Variants in EARS2 observed in about 807,000 individuals in gnomAD.
EARS2 encodes the protein glutamyl-tRNA synthetase 2, mitochondrial.
In EARS2, 50 loss-of-function variants were observed where a neutral mutation model predicts 54.1. The observed-to-expected ratio is 0.92, with a 90% CI of 0.74 to 1.17. The LOEUF is 1.17. Ranked by LOEUF, EARS2 falls within the 50% of genes most tolerant of loss-of-function variation. The pLI, the probability that EARS2 is intolerant of heterozygous loss-of-function variation, is 0.00. For synonymous variants in EARS2, 298 were observed against 281.0 expected, an observed-to-expected ratio of 1.06 and a Z score of -0.61; for missense variants, 673 against 675.0, an observed-to-expected ratio of 1.00 and a Z score of 0.03.
At chr16:23,529,456 A>G in intron 7 of EARS2, 46 bp downstream of exon 7, 4 of 1,593,952 alleles carry the variant, frequency 2.5e-6, no homozygotes, top group Non-Finnish European at 3.4e-6. Flanking sequence ...GGACAGAGAG[A>G]GGGAAGGAGG....
In EARS2 at chr16:23,544,674, C is replaced by A; in HGVS notation, c.325G>T (p.Gly109Cys). The change falls in exon 3 of 9, where the codon GGC (glycine) becomes TGC (cysteine). Residue 109 changes from glycine (G) to cysteine (C), a missense_variant. By Grantham distance (159) the Gly-to-Cys change is radical. This residue lies in a region of EARS2 where 316 missense variants were observed against 275.2 expected (regional missense o/e 1.15). Transcript: ENST00000449606. Reference sequence around the variant, plus strand: ...TGCTGGTAGGGCCCAGCAGGACCGCCCCGGCGGGGGCTCTCATCAGGCGGG... The same window carrying A: ...TGCTGGTAGGGCCCAGCAGGACCGCACCGGCGGGGGCTCTCATCAGGCGGG... ...GIPPDESPRR[G>C]GPAGPYQQSQ... 1 of 1,607,474 alleles carries A rather than the reference C, an allele frequency of 6.2e-7. No homozygotes were observed. Among genetic ancestry groups the A allele is most frequent in the African/African-American group, 1.3e-5 (1 of 74,976 alleles).
At chr16:23,555,633 C>A (rs1965763812) in intron 1 of EARS2, among the ~76,000 whole-genome samples, 2 of 152,234 alleles carry the variant, frequency 1.3e-5, no homozygotes, top group Admixed American at 1.3e-4. Flanking sequence ...CAGTGCTGGT[C>A]TGAAAACAGT....
chr16:23,552,409 G>C, intron 1 of EARS2, 105 bp from the exon 2 acceptor site: 1 of 1,283,350 alleles, frequency 7.8e-7, no homozygotes, highest in Non-Finnish European at 1.1e-6. Flanking sequence ...AAATTTAAAA[G>C]ACCAGCAGGA....
intron 4 of EARS2, among the ~76,000 whole-genome samples, chr16:23,534,246 A>G (rs1489760989): frequency 2.6e-5 from 4 of 152,196 alleles, no homozygotes; most frequent in African/African-American, 4.8e-5. Flanking sequence ...CAGTGGAGAT[A>G]TGTATCTACC....
At chr16:23,532,442 C>T (rs138066797) in intron 5 of EARS2, 1 of 421,790 alleles carries the variant, frequency 2.4e-6, no homozygotes, top group African/African-American at 2.0e-5. Flanking sequence ...TCATGCAACA[C>T]TTAATACAAG....
In EARS2 at chr16:23,529,758, G is replaced by C. The variant is rs1311815003; in HGVS notation, c.1207C>G (p.Leu403Val). 2.5e-6 allele frequency: 4 copies of C among 1,614,184 alleles called. No homozygotes were observed. Among genetic ancestry groups the C allele is most frequent in the Non-Finnish European group, 3.4e-6 (4 of 1,180,032 alleles). ...TGACACCACACCTGTCTCAGCAGGA[G>C]GATCCTCTCCACGTAGACTGGGTTG... ...VLNPVYVERI[L>V]LLRQGHICRL... The change falls in exon 6 of 9, where the codon CTC (leucine) becomes GTC (valine). Residue 403 changes from leucine to valine, a missense_variant. Leu to Val is a conservative substitution (Grantham distance 32). Coordinates refer to ENST00000449606, the MANE Select transcript of EARS2 (RefSeq NM_001083614.2).
At chr16:23,550,382 A>T (rs1384715995) in intron 2 of EARS2, among the ~76,000 whole-genome samples, 1 of 151,460 alleles carries the variant, frequency 6.6e-6, no homozygotes, top group Non-Finnish European at 1.5e-5. Flanking sequence ...AAAAAAAAAA[A>T]AGAAATAATT....
chr16:23,552,970 G>A, intron 1 of EARS2: 1 of 315,072 alleles, frequency 3.2e-6, no homozygotes, highest in South Asian at 2.4e-5. Flanking sequence ...CCTTGTCTTA[G>A]CAAAAAATAT....
chr16:23,543,730 C>CAA (rs565590236), intron 3 of EARS2, among the ~76,000 whole-genome samples: 12 of 58,816 alleles, frequency 2.0e-4, no homozygotes, highest in Non-Finnish European at 2.9e-4. Context: ...GAGACTGTCT[C>CAA]AAAAAAAAAA....
At chr16:23,549,111 C>T (rs763667360) in intron 2 of EARS2, among the ~76,000 whole-genome samples, 33 of 152,262 alleles carry the variant, frequency 2.2e-4, no homozygotes, top group Non-Finnish European at 3.7e-4. Flanking sequence ...AACACGCTCC[C>T]GCTCACCAGA....
At position 23,524,180 on chromosome 16, in the gene EARS2, TC is replaced by T; in HGVS notation, c.*190del. The T allele has an allele frequency of 1.6e-6, 1 of 623,422 alleles. No homozygotes were observed. The highest frequency in any genetic ancestry group is 2.9e-6 in the Non-Finnish European group (1 of 349,672). The allele number at this position is 623,422 out of a possible 1,614,324, so 38.6% of individuals were successfully genotyped here. A position where few individuals can be genotyped will look rare whatever the true frequency, so the allele number is the denominator to read the frequency against. ...TCCAGGAGGTTAGATGGGTTGGGCT[TC>T]CCCAGCCAATTGACAAAAACGTGCC... On this transcript the variant is annotated 3_prime_UTR_variant, in exon 9 of 9. Coordinates refer to ENST00000449606, the MANE Select transcript of EARS2 (RefSeq NM_001083614.2).
chr16:23,544,679 C>A lies in EARS2; in HGVS notation c.320G>T (p.Arg107Leu). ...WAGIPPDESP[R>L]RGGPAGPYQQ... ...GTAGGGCCCAGCAGGACCGCCCCGGCGGGGGCTCTCATCAGGCGGGATGCC... is the reference window on the plus strand; with the variant it reads ...GTAGGGCCCAGCAGGACCGCCCCGGAGGGGGCTCTCATCAGGCGGGATGCC... The change falls in exon 3 of 9, where the codon CGC becomes CTC. Residue 107 changes from arginine (R) to leucine (L), a missense_variant. Transcript: ENST00000449606. 1 of 1,605,892 alleles carries A rather than the reference C, an allele frequency of 6.2e-7. No homozygotes were observed. The highest frequency in any genetic ancestry group is 8.5e-7 in the Non-Finnish European group (1 of 1,177,278).
chr16:23,538,673 G>A (rs1415891095), intron 3 of EARS2, among the ~76,000 whole-genome samples: 2 of 152,084 alleles, frequency 1.3e-5, no homozygotes, highest in South Asian at 2.1e-4. Context: ...CCTGGGTAAC[G>A]AGACCTTGTC....
intron 2 of EARS2, chr16:23,545,044 G>A (rs868120888): frequency 2.6e-5 from 5 of 191,076 alleles, no homozygotes; most frequent in Non-Finnish European, 4.3e-5. Flanking sequence ...GTTTCACCAT[G>A]TTGGCCAGGC....
intron 6 of EARS2, 34 bp from the exon 7 acceptor site, chr16:23,529,666 G>C (rs756236505): frequency 1.3e-5 from 21 of 1,613,280 alleles, no homozygotes; most frequent in Non-Finnish European, 1.7e-5. Flanking sequence ...ATGCACTAGG[G>C]ACAGGGCTCT....
intron 7 of EARS2, among the ~76,000 whole-genome samples, chr16:23,528,494 T>A (rs1965267384): frequency 6.6e-6 from 1 of 152,236 alleles, no homozygotes; most frequent in South Asian, 2.1e-4. Context: ...TGGCAGCTCC[T>A]GAACATTTGG....
Position 23,535,189 on chromosome 16 carries a change from G to A in EARS2, c.657C>T (p.Ile219=). The change falls in exon 4 of 9, where the codon ATC becomes ATT. Residue 219 remains isoleucine, a synonymous_variant. Transcript: ENST00000449606. ...EVASVEGDPV[I]MKSDGFPTYH... The stretch of plus-strand genomic sequence containing the variant: ...ATGTGGGGAAGCCGTCGCTCTTCAT[G>A]ATGACTGGGTCTCCCTCCACGCTGG... The A allele has an allele frequency of 6.2e-7, 1 of 1,613,816 alleles. No homozygotes were observed. The highest frequency in any genetic ancestry group is 8.5e-7 in the Non-Finnish European group (1 of 1,180,020).
chr16:23,548,233 C>CAGTA (rs146874917), intron 2 of EARS2, among the ~76,000 whole-genome samples: 10 of 135,420 alleles, frequency 7.4e-5, no homozygotes, highest in South Asian at 5.2e-4. Context: ...GACTCCATCT[C>CAGTA]AATAAATAAA....
At chr16:23,532,857 G>A in intron 4 of EARS2, 92 bp from the exon 5 acceptor site, 1 of 884,482 alleles carries the variant, frequency 1.1e-6, no homozygotes, top group East Asian at 2.7e-5. Context: ...ATCTTGCTCT[G>A]CTGCCCAGGT....
Sources: allele counts gnomAD v4.1 joint callset (sites outside exome capture counted in the v4.1 genomes callset), GRCh38; gene constraint gnomAD v4.1.1; regional missense constraint gnomAD v4.1.1; transcripts MANE v1.5; gene names NCBI Gene and HGNC (gene_info 2026-07-23, HGNC 2026-07-21).